Variants in ZNF385D observed in about 807,000 individuals in gnomAD.
The protein encoded by ZNF385D is zinc finger protein 385D.
A neutral mutation model predicts 35.8 loss-of-function variants in ZNF385D; 15 were observed. That is an observed-to-expected ratio of 0.42 (90% confidence interval 0.28 to 0.64). The LOEUF is 0.64. ZNF385D is among the 30% of genes least tolerant of loss of function. The pLI is 0.23. For missense variants in ZNF385D, 474 were observed against 494.6 expected (o/e 0.96, Z 0.39); for synonymous variants, 212 against 186.8 (o/e 1.13, Z -1.10).
chr3:21,804,182 A>G (rs2072532451), intron 3 of ZNF385D, among the ~76,000 whole-genome samples: 1 of 152,222 alleles, frequency 6.6e-6, no homozygotes, highest in South Asian at 2.1e-4. Context: ...AGTATGATGA[A>G]ATGAAAACAT....
At chr3:21,998,500 G>T (rs1050437249) in intron 3 of ZNF385D, among the ~76,000 whole-genome samples, 1 of 152,204 alleles carries the variant, frequency 6.6e-6, no homozygotes, top group Non-Finnish European at 1.5e-5. Flanking sequence ...CCACAGGGCT[G>T]TTGGCAATTC....
intron 2 of ZNF385D, among the ~76,000 whole-genome samples, chr3:22,261,333 A>G (rs1322605689): frequency 6.6e-6 from 1 of 152,054 alleles, no homozygotes; most frequent in African/African-American, 2.4e-5. Flanking sequence ...AAGAAAAATA[A>G]TTTAAGTTAT....
At chr3:21,875,112 A>C (rs1697894302) in intron 3 of ZNF385D, among the ~76,000 whole-genome samples, 1 of 152,048 alleles carries the variant, frequency 6.6e-6, no homozygotes. Flanking sequence ...CTGCAACTTT[A>C]CTAAATTTAC....
rs543156565 is a variant in ZNF385D, at chr3:22,163,819, A to G, written c.325+4998T>C. Reference sequence around the variant, plus strand: ...AAAAGTTTGTGAAGATGAAAGTTCAAAGCAATCATTTTGCAATTGTGCATG... The same window carrying G: ...AAAAGTTTGTGAAGATGAAAGTTCAGAGCAATCATTTTGCAATTGTGCATG... On this transcript the variant is annotated intron_variant, in intron 3 of 5. Coordinates refer to the ZNF385D transcript ENST00000494108. Among the ~76,000 whole-genome samples, 8 of 152,346 alleles carry G rather than the reference A, an allele frequency of 5.3e-5. No individual in the cohort carries two copies. The East Asian group carries it at 1.5e-3, about 29-fold the overall frequency.
At chr3:21,661,747 G>T (rs185702526) in intron 2 of ZNF385D, among the ~76,000 whole-genome samples, 1 of 152,272 alleles carries the variant, frequency 6.6e-6, no homozygotes, top group Admixed American at 6.5e-5. Flanking sequence ...GCTTTGAGGA[G>T]ACTAAGGGAT....
At chr3:21,450,387 A>G (rs934497830) in intron 4 of ZNF385D, among the ~76,000 whole-genome samples, 1 of 152,224 alleles carries the variant, frequency 6.6e-6, no homozygotes, top group African/African-American at 2.4e-5. Flanking sequence ...AAGAATGAAT[A>G]AATAAGAAAT....
At chr3:21,535,960 G>A (rs565073599) in intron 3 of ZNF385D, among the ~76,000 whole-genome samples, 22 of 151,468 alleles carry the variant, frequency 1.5e-4, no homozygotes, top group African/African-American at 4.6e-4. Context: ...GCTTTAACTG[G>A]GATGAAGAAA....
intron 3 of ZNF385D, among the ~76,000 whole-genome samples, chr3:22,145,221 C>T (rs1704777674): frequency 1.3e-5 from 2 of 152,102 alleles, no homozygotes; most frequent in South Asian, 4.1e-4. Flanking sequence ...TCTCTCTATG[C>T]CTTGCAACCA....
At chr3:21,632,155 A>G (rs550441625) in intron 2 of ZNF385D, among the ~76,000 whole-genome samples, 1 of 152,244 alleles carries the variant, frequency 6.6e-6, no homozygotes, top group Non-Finnish European at 1.5e-5. Flanking sequence ...AAAGTTAATT[A>G]AAAATGGGGG....
At chr3:22,134,241 T>C (rs995780380) in intron 3 of ZNF385D, 6 of 151,888 alleles carry the variant, frequency 4.0e-5, no homozygotes, top group Non-Finnish European at 8.8e-5. Flanking sequence ...TAAACACTAG[T>C]CAAAGAATAC....
At chr3:21,472,133 C>A (rs969081309) in intron 4 of ZNF385D, among the ~76,000 whole-genome samples, 4 of 152,050 alleles carry the variant, frequency 2.6e-5, no homozygotes, top group Admixed American at 2.0e-4. Context: ...TCATTTCTTA[C>A]ATTTATCATG....
At chr3:21,976,699 G>T (rs1386436336) in intron 3 of ZNF385D, among the ~76,000 whole-genome samples, 1 of 152,178 alleles carries the variant, frequency 6.6e-6, no homozygotes, top group African/African-American at 2.4e-5. Context: ...TTTGCACTGA[G>T]AAATAATAAA....
chr3:22,332,753 T>C (rs1218577098), intron 2 of ZNF385D, among the ~76,000 whole-genome samples: 1 of 152,140 alleles, frequency 6.6e-6, no homozygotes, highest in Non-Finnish European at 1.5e-5. Context: ...AGAAAAACCA[T>C]TATCCTGTGA....
chr3:22,336,538 G>A (rs970370825), intron 2 of ZNF385D, among the ~76,000 whole-genome samples: 2 of 151,908 alleles, frequency 1.3e-5, no homozygotes, highest in Non-Finnish European at 1.5e-5. Flanking sequence ...TTAAGCTGGT[G>A]ACCTACAGAG....
intron 3 of ZNF385D, among the ~76,000 whole-genome samples, chr3:21,894,810 G>A (rs1323344130): frequency 6.6e-6 from 1 of 152,076 alleles, no homozygotes; most frequent in Non-Finnish European, 1.5e-5. Flanking sequence ...TAACTGCAGT[G>A]TTACAACCCT....
rs578145308 is a variant in ZNF385D at position 22,037,281 on chromosome 3, C to A, written c.325+131536G>T. ...TTCTAGTTCTAGATCCCTGAGGAAT[C>A]ACCACACTGTCTTCCACAATGGTTG... On this transcript the variant is annotated intron_variant, in intron 3 of 5. Coordinates refer to the ZNF385D transcript ENST00000494108. 3.0e-5 allele frequency among the ~76,000 whole-genome samples: 4 copies of A among 135,346 alleles called. No homozygotes were observed. In the South Asian group the frequency reaches 1.0e-3, roughly 34 times the overall value. 88.8% of individuals were successfully genotyped at this position (135,346 alleles called of 152,430 possible).
At chr3:22,102,582 G>A (rs1470920273) in intron 3 of ZNF385D, among the ~76,000 whole-genome samples, 1 of 152,004 alleles carries the variant, frequency 6.6e-6, no homozygotes, top group Non-Finnish European at 1.5e-5. Context: ...CTTCTTTGCT[G>A]TCACTGGCCA....
intron 3 of ZNF385D, among the ~76,000 whole-genome samples, chr3:22,144,976 A>T (rs1327193526): frequency 1.3e-5 from 2 of 150,858 alleles, no homozygotes; most frequent in Non-Finnish European, 2.9e-5. Context: ...TAATCAAGAC[A>T]GAGCTAACTA....
At chr3:21,443,928 C>T (rs1264467695) in intron 4 of ZNF385D, among the ~76,000 whole-genome samples, 2 of 152,168 alleles carry the variant, frequency 1.3e-5, no homozygotes, top group African/African-American at 4.8e-5. Flanking sequence ...GAGGCAATTA[C>T]ATCAACAATA....
Sources: allele counts gnomAD v4.1 joint callset (sites outside exome capture counted in the v4.1 genomes callset), GRCh38; gene constraint gnomAD v4.1.1; transcripts MANE v1.5; gene names NCBI Gene and HGNC (gene_info 2026-07-23, HGNC 2026-07-21).